The following LUC7L variants were observed in gnomAD, a reference collection of about 807,000 sequenced individuals.
LUC7L encodes putative RNA-binding protein Luc7-like 1.
In LUC7L, 29 loss-of-function variants were observed where a neutral mutation model predicts 51.1. That is an observed-to-expected ratio of 0.57 (90% CI 0.42 to 0.77). The LOEUF (loss-of-function observed/expected upper bound fraction) is 0.77, where lower values mean the gene tolerates loss of function less well. Ranked by LOEUF, LUC7L falls within the 30% of genes least tolerant of loss-of-function variation. The pLI, the probability that LUC7L is intolerant of heterozygous loss-of-function variation, is 0.00. For synonymous variants in LUC7L, 181 were observed against 180.7 expected, an observed-to-expected ratio of 1.00 and a Z score of -0.01; for missense variants, 403 against 511.9, an observed-to-expected ratio of 0.79 and a Z score of 2.05.
chr16:222,515 G>A (rs1350177085), intron 2 of LUC7L, among the ~76,000 whole-genome samples: 2 of 152,012 alleles, frequency 1.3e-5, no homozygotes, highest in African/African-American at 2.4e-5. Flanking sequence ...GTATGTGCCT[G>A]TAGTCCCAGC....
intron 5 of LUC7L, among the ~76,000 whole-genome samples, chr16:200,399 G>A (rs201414252): frequency 6.7e-6 from 1 of 148,896 alleles, no homozygotes. Flanking sequence ...GCGAAAGAGC[G>A]AGACTCCGTC....
In LUC7L at chr16:229,387, C is replaced by T; in HGVS notation, c.-48G>A. The T allele has an allele frequency of 7.0e-7, 1 of 1,431,348 alleles. No homozygotes were observed. The highest frequency in any genetic ancestry group is 9.2e-7 in the Non-Finnish European group (1 of 1,084,030). 88.7% of individuals were successfully genotyped at this position (1,431,348 alleles called of 1,614,324 possible). On this transcript the variant is annotated 5_prime_UTR_variant, in exon 1 of 10. Coordinates refer to ENST00000293872, the MANE Select transcript of LUC7L (RefSeq NM_201412.3). ...GTCGGCCGCGACGACTTCTCTCAGG[C>T]AGGCGGTGGCAGCGGCGTCGACAAA...
chr16:196,583 A>G (rs1567174553), intron 6 of LUC7L, among the ~76,000 whole-genome samples: 2 of 151,924 alleles, frequency 1.3e-5, no homozygotes, highest in Admixed American at 6.6e-5. Context: ...GCTAGAGTGC[A>G]GTGGCTCGAT....
At position 190,055 on chromosome 16, in the gene LUC7L, C is replaced by G; in HGVS notation, c.887G>C (p.Arg296Pro). 1 of 1,613,538 alleles carries G rather than the reference C, an allele frequency of 6.2e-7. No homozygotes were observed. Among genetic ancestry groups the G allele is most frequent in the Non-Finnish European group, 8.5e-7 (1 of 1,179,976 alleles). ...ERRKLSRSRSRDRHRRHRSRS... is the reference protein window; with the variant it reads ...ERRKLSRSRSPDRHRRHRSRS... The stretch of plus-strand genomic sequence containing the variant: ...GCTGCGGTGGCGCCGATGTCTATCT[C>G]GGGACCGGGACCGGGACAATTTCCG... Residue 296 changes from arginine (R) to proline (P), a missense_variant, in exon 9 of 10, where the codon CGA becomes CCA. Arg to Pro is a moderately radical substitution (Grantham distance 103, BLOSUM62 -2). Transcript: ENST00000293872.
rs1293828388 is a variant in LUC7L, at chr16:204,287, TGAA to T, written c.510+1714_510+1716del. On this transcript the variant is annotated intron_variant, in intron 5 of 9. Coordinates refer to ENST00000293872, the MANE Select transcript of LUC7L (RefSeq NM_201412.3). Reference sequence around the variant, plus strand: ...GGTGAAACCCCATCCCTACTAGAAATGAAAAAAAAAAAAAAAAATTAGCCATGG... The same window carrying T: ...GGTGAAACCCCATCCCTACTAGAAATAAAAAAAAAAAAAAATTAGCCATGG... Among the ~76,000 whole-genome samples the T allele has an allele frequency of 2.2e-4, 25 of 112,774 alleles. No homozygotes were observed. In the South Asian group the frequency reaches 6.7e-3, roughly 30 times the overall value. The allele number at this position is 112,774 out of a possible 152,430, so 74.0% of individuals were successfully genotyped here. A position where few individuals can be genotyped will look rare whatever the true frequency, so the allele number is the denominator to read the frequency against.
intron 9 of LUC7L, 78 bp from the exon 10 acceptor site, chr16:189,417 C>T (rs879463401): frequency 3.5e-5 from 53 of 1,509,334 alleles, no homozygotes; most frequent in African/African-American, 1.7e-4. Context: ...ACGATGGACC[C>T]GCAGACCAGG....
intron 3 of LUC7L, among the ~76,000 whole-genome samples, chr16:219,128 C>T (rs945477252): frequency 1.3e-5 from 2 of 151,908 alleles, no homozygotes; most frequent in African/African-American, 2.4e-5. Context: ...CGGTGGCTCA[C>T]AGCTGTAATC....
intron 7 of LUC7L, among the ~76,000 whole-genome samples, chr16:191,945 G>A (rs772811850): frequency 1.3e-5 from 2 of 152,158 alleles, no homozygotes; most frequent in Non-Finnish European, 2.9e-5. Context: ...GTCTCCAGGA[G>A]GATGTGGATA....
chr16:226,732 C>T (rs1596694239), intron 2 of LUC7L, among the ~76,000 whole-genome samples: 1 of 152,212 alleles, frequency 6.6e-6, no homozygotes, highest in Admixed American at 6.6e-5. Context: ...TTTTTTGCTA[C>T]AGCCAAATTA....
At chr16:220,467 A>C in intron 3 of LUC7L, 182 bp downstream of exon 3, 1 of 555,274 alleles carries the variant, frequency 1.8e-6, no homozygotes, top group Non-Finnish European at 3.2e-6. Flanking sequence ...TAGGACACTG[A>C]CAGGACGCTG....
In LUC7L at chr16:227,242, C is replaced by T; in HGVS notation, c.156G>A (p.Thr52=). The T allele has an allele frequency of 6.2e-7, 1 of 1,612,156 alleles. No individual in the cohort carries two copies. Among genetic ancestry groups the T allele is most frequent in the Non-Finnish European group, 8.5e-7 (1 of 1,178,918 alleles). The change falls in exon 2 of 10, where the codon ACG becomes ACA. Residue 52 remains threonine (T), a splice_region_variant and synonymous_variant. Coordinates refer to ENST00000293872, the MANE Select transcript of LUC7L (RefSeq NM_201412.3). ...ATGAGGTCCCCCAAAATGCACCTAC[C>T]GTCCCAGCCAGGATGTCATGGGGGC... ...DCCPHDILAG[T]RMDLGECTKI... is the part of the protein sequence containing the mutation.
chr16:222,362 T>A (rs982582113), intron 2 of LUC7L, among the ~76,000 whole-genome samples: 5 of 149,418 alleles, frequency 3.3e-5, no homozygotes, highest in Non-Finnish European at 7.4e-5. Flanking sequence ...TAGTACCAGT[T>A]GCAGTGGCAC....
At chr16:203,549 A>T (rs1259049685) in intron 5 of LUC7L, among the ~76,000 whole-genome samples, 1 of 152,120 alleles carries the variant, frequency 6.6e-6, no homozygotes, top group East Asian at 1.9e-4. Flanking sequence ...TCTCCAAAAA[A>T]TACAAAAAAT....
intron 6 of LUC7L, among the ~76,000 whole-genome samples, chr16:196,622 G>A (rs575885224): frequency 1.3e-5 from 2 of 151,970 alleles, no homozygotes; most frequent in African/African-American, 4.8e-5. Context: ...CTGCCTCCCG[G>A]GTTCAAGCGA....
At chr16:208,288 T>A (rs2049543473) in intron 3 of LUC7L, 100 bp from the exon 4 acceptor site, 1 of 822,894 alleles carries the variant, frequency 1.2e-6, no homozygotes. Flanking sequence ...GGTTCGTTTC[T>A]TTAAAGCCTG....
chr16:225,805 A>AAAAAAG (rs751433934), intron 2 of LUC7L, among the ~76,000 whole-genome samples: 6 of 149,908 alleles, frequency 4.0e-5, no homozygotes, highest in African/African-American at 1.5e-4. Flanking sequence ...TCTCAAAAAA[A>AAAAAAG]AAAAGAAAAG....
intron 3 of LUC7L, among the ~76,000 whole-genome samples, chr16:212,801 A>G (rs72763696): frequency 0.046 from 6,856 of 150,582 alleles, 223 homozygotes; most frequent in Non-Finnish European, 0.068. Context: ...TTTTCCCGAG[A>G]GGATCTTGCT....
intron 3 of LUC7L, chr16:220,350 CTA>C: frequency 4.1e-6 from 1 of 245,088 alleles, no homozygotes; most frequent in African/African-American, 2.2e-5. Flanking sequence ...AGACTCTACA[CTA>C]TGAAACCATT....
chr16:205,894 T>C (rs1242065386), intron 5 of LUC7L, 110 bp downstream of exon 5: 3 of 1,322,810 alleles, frequency 2.3e-6, no homozygotes, highest in East Asian at 2.3e-5. Flanking sequence ...GGGCCCAAAA[T>C]GTATAAATTT....
Sources: gnomAD v4.1 joint callset for allele counts (sites outside exome capture counted in the v4.1 genomes callset) on GRCh38, gnomAD v4.1.1 for gene constraint, MANE v1.5 for transcripts, NCBI Gene and HGNC (gene_info 2026-07-23, HGNC 2026-07-21) for gene names.